The following ATXN8OS variants were observed in gnomAD, a reference collection of about 807,000 sequenced individuals.
The protein encoded by ATXN8OS is ATXN8 opposite strand lncRNA, also known as ATXN8 opposite strand (non-protein coding).
chr13:70,109,178 C>A (rs1888156582), intron 1 of ATXN8OS, among the ~76,000 whole-genome samples: 6 of 152,214 alleles, frequency 3.9e-5, no homozygotes, highest in Admixed American at 3.3e-4. Context: ...TACTATCTTG[C>A]AAATAGGCGT....
rs183685972 is a variant in ATXN8OS at position 70,167,975 on chromosome 13, G to A, written n.574-1778G>A. 2.3e-3 allele frequency among the ~76,000 whole-genome samples: 352 copies of A among 152,066 alleles called. 1 individual carries two copies. Among genetic ancestry groups the A allele is most frequent in the African/African-American group, 8.0e-3 (334 of 41,508 alleles). On this transcript the variant is annotated intron_variant and non_coding_transcript_variant, in intron 4 of 4. Coordinates refer to ENST00000678624, the Ensembl canonical transcript of ATXN8OS. ...TCTCCTGACATCGTGATCCACCCAC[G>A]TCAGTCTCCCACAGTGCTGGGCTTA...
intron 1 of ATXN8OS, among the ~76,000 whole-genome samples, chr13:70,112,920 A>ATATATATATATATATTT (rs1555298511): frequency 9.1e-5 from 8 of 87,588 alleles, no homozygotes; most frequent in African/African-American, 3.1e-4. Context: ...TATATATATA[A>ATATATATATATATATTT]TTTTTTTTTT....
At chr13:70,147,527 C>G (rs1385124027) in intron 4 of ATXN8OS, among the ~76,000 whole-genome samples, 2 of 152,048 alleles carry the variant, frequency 1.3e-5, no homozygotes, top group Admixed American at 1.3e-4. Flanking sequence ...CGAAATTGAG[C>G]CCGCTGACAT....
At chr13:70,139,073 A>C (rs1888658717) in intron 3 of ATXN8OS, among the ~76,000 whole-genome samples, 1 of 152,204 alleles carries the variant, frequency 6.6e-6, no homozygotes, top group South Asian at 2.1e-4. Flanking sequence ...CATTTATCGA[A>C]GTATGAGAAG....
At chr13:70,134,602 T>C (rs969425771) in intron 3 of ATXN8OS, among the ~76,000 whole-genome samples, 1 of 152,192 alleles carries the variant, frequency 6.6e-6, no homozygotes, top group Non-Finnish European at 1.5e-5. Flanking sequence ...ACATGTCTAC[T>C]CAGTGCAACT....
chr13:70,146,408 T>C (rs1192423754), intron 3 of ATXN8OS, among the ~76,000 whole-genome samples: 3 of 152,034 alleles, frequency 2.0e-5, no homozygotes, highest in South Asian at 4.2e-4. Context: ...GCCATCCCAT[T>C]ACTGGGTATA....
At chr13:70,144,406 G>A (rs1012508384) in intron 3 of ATXN8OS, among the ~76,000 whole-genome samples, 2 of 151,904 alleles carry the variant, frequency 1.3e-5, no homozygotes, top group African/African-American at 4.8e-5. Flanking sequence ...ACCTAGTTGA[G>A]TAATTATTTT....
intron 3 of ATXN8OS, among the ~76,000 whole-genome samples, chr13:70,133,021 TAAAC>T (rs1888556696): frequency 6.6e-6 from 1 of 152,204 alleles, no homozygotes; most frequent in Non-Finnish European, 1.5e-5. Context: ...ATTCAACCCT[TAAAC>T]TATCATTGCA....
At chr13:70,166,274 G>C (rs920216387) in intron 4 of ATXN8OS, among the ~76,000 whole-genome samples, 3 of 151,976 alleles carry the variant, frequency 2.0e-5, no homozygotes, top group African/African-American at 7.2e-5. Context: ...TATACTACAA[G>C]GCTACAGTAA....
In ATXN8OS at chr13:70,118,538, T is replaced by C. The variant is rs1325418693; in HGVS notation, n.398+3240T>C. ...AGTAAGAATGCCATATATACATATA[T>C]GCATTTATATATTTCATTTATACAT... On this transcript the variant is annotated intron_variant and non_coding_transcript_variant, in intron 2 of 4. Coordinates refer to ENST00000678624, the Ensembl canonical transcript of ATXN8OS. Among the ~76,000 whole-genome samples the C allele has an allele frequency of 2.0e-5, 3 of 152,096 alleles. No homozygotes were observed. The East Asian group carries it at 5.8e-4, about 29-fold the overall frequency.
At chr13:70,107,428 G>A (rs1281281593), upstream of ATXN8OS, 3 of 1,614,194 alleles carry the variant, frequency 1.9e-6, no homozygotes, top group South Asian at 3.3e-5. Flanking sequence ...GCCATTCAGC[G>A]GATTGAAGGA....
At chr13:70,114,819 G>A (rs1888250399) in intron 1 of ATXN8OS, among the ~76,000 whole-genome samples, 1 of 151,902 alleles carries the variant, frequency 6.6e-6, no homozygotes, top group African/African-American at 2.4e-5. Flanking sequence ...GAATCAACTG[G>A]CCACTAATAT....
chr13:70,145,484 C>T (rs1322972745), intron 3 of ATXN8OS, among the ~76,000 whole-genome samples: 9 of 151,878 alleles, frequency 5.9e-5, no homozygotes, highest in African/African-American at 1.9e-4. Flanking sequence ...TACCCATGAG[C>T]ATGGAATGTT....
intron 4 of ATXN8OS, among the ~76,000 whole-genome samples, chr13:70,148,693 T>C (rs1425289386): frequency 6.6e-6 from 1 of 152,138 alleles, no homozygotes; most frequent in Non-Finnish European, 1.5e-5. Flanking sequence ...TTTCGTAAAC[T>C]AAAATTTCTC....
intron 2 of ATXN8OS, among the ~76,000 whole-genome samples, chr13:70,128,858 CTTTT>C (rs34976551): frequency 6.8e-6 from 1 of 147,178 alleles, no homozygotes. Flanking sequence ...ATCCCCCCAC[CTTTT>C]TTTTTTTTTG....
At chr13:70,157,306 C>T (rs944702049) in intron 4 of ATXN8OS, among the ~76,000 whole-genome samples, 8 of 152,044 alleles carry the variant, frequency 5.3e-5, no homozygotes, top group African/African-American at 1.9e-4. Flanking sequence ...ATAGGAGGAG[C>T]TCTTTCTGTT....
chr13:70,137,113 C>T (rs887153228), intron 3 of ATXN8OS, among the ~76,000 whole-genome samples: 1 of 152,114 alleles, frequency 6.6e-6, no homozygotes, highest in Non-Finnish European at 1.5e-5. Context: ...TTAGAATATC[C>T]AGAACTTTTC....
At chr13:70,157,026 TATA>T (rs1399263316) in intron 4 of ATXN8OS, among the ~76,000 whole-genome samples, 7 of 152,136 alleles carry the variant, frequency 4.6e-5, no homozygotes, top group African/African-American at 1.7e-4. Context: ...TAGATATAAA[TATA>T]ATAATAGAGA....
At chr13:70,124,949 G>GTTTTT (rs1888409442) in intron 2 of ATXN8OS, among the ~76,000 whole-genome samples, 1 of 114,352 alleles carries the variant, frequency 8.7e-6, no homozygotes, top group Non-Finnish European at 1.8e-5. Flanking sequence ...TTTTTTTTTG[G>GTTTTT]CTTGCATTCA....
Sources: gnomAD v4.1 joint callset for allele counts (sites outside exome capture counted in the v4.1 genomes callset) on GRCh38, gnomAD v4.1.1 for gene constraint, MANE v1.5 for transcripts, NCBI Gene and HGNC (gene_info 2026-07-23, HGNC 2026-07-21) for gene names.